MEI4: variants seen among roughly 807,000 people sequenced by gnomAD.
MEI4 encodes meiotic double-stranded break formation protein 4, also known as meiosis-specific protein MEI4.
A neutral mutation model predicts 31.4 loss-of-function variants in MEI4; 27 were observed. The ratio of observed to expected loss-of-function variants is 0.86; its 90% CI spans 0.63 to 1.19. The LOEUF is 1.19. Among genes scored for constraint, MEI4 ranks in the 50% most tolerant of loss-of-function variants. The probability of loss-of-function intolerance (pLI) is 0.00; values close to 1 mark genes in which losing one functional copy is unlikely to be tolerated. For missense variants in MEI4, 329 were observed against 398.9 expected (o/e 0.82, Z 1.49); for synonymous variants, 122 against 145.4 (o/e 0.84, Z 1.16).
intron 4 of MEI4, among the ~76,000 whole-genome samples, chr6:77,841,810 T>C (rs1770373022): frequency 6.6e-6 from 1 of 152,110 alleles, no homozygotes; most frequent in Non-Finnish European, 1.5e-5. Flanking sequence ...TTAGCAAAAA[T>C]ATATTTCTAA....
chr6:77,862,395 C>T (rs141083119), intron 4 of MEI4, among the ~76,000 whole-genome samples: 1,669 of 152,338 alleles, frequency 0.011, 29 homozygotes, highest in African/African-American at 0.037. Context: ...GCTTTTCCAA[C>T]GGTCTTAGCA....
At chr6:77,827,544 T>A (rs1769985232) in intron 3 of MEI4, among the ~76,000 whole-genome samples, 1 of 152,064 alleles carries the variant, frequency 6.6e-6, no homozygotes, top group Admixed American at 6.6e-5. Context: ...TACTTTTGAT[T>A]GGCAGAACTC....
At chr6:77,770,494 CAAAA>C (rs551799668) in intron 3 of MEI4, among the ~76,000 whole-genome samples, 1 of 148,140 alleles carries the variant, frequency 6.8e-6, no homozygotes, top group South Asian at 2.1e-4. Context: ...TTATTCTTCA[CAAAA>C]AAAAAATTAA....
intron 4 of MEI4, among the ~76,000 whole-genome samples, chr6:77,871,676 A>G (rs1041135910): frequency 5.1e-4 from 78 of 152,300 alleles, no homozygotes; most frequent in African/African-American, 1.8e-3. Context: ...AAACCTACAC[A>G]TGTACCACTG....
chr6:77,882,388 A>G (rs1386654038), intron 4 of MEI4, among the ~76,000 whole-genome samples: 3 of 152,164 alleles, frequency 2.0e-5, no homozygotes, highest in Admixed American at 6.5e-5. Context: ...CAGAATAATC[A>G]TCTGTTTTTG....
chr6:77,804,391 C>G (rs1464434942), intron 3 of MEI4, among the ~76,000 whole-genome samples: 1 of 152,214 alleles, frequency 6.6e-6, no homozygotes, highest in Non-Finnish European at 1.5e-5. Flanking sequence ...TCCCTGACCC[C>G]TTGCACTTCT....
At chr6:77,850,053 A>G (rs903777759) in intron 4 of MEI4, among the ~76,000 whole-genome samples, 2 of 152,166 alleles carry the variant, frequency 1.3e-5, no homozygotes, top group African/African-American at 2.4e-5. Flanking sequence ...ACTATATTGT[A>G]TATTCTATTT....
chr6:77,663,281 A>G (rs866169943), intron 1 of MEI4, among the ~76,000 whole-genome samples: 4 of 152,244 alleles, frequency 2.6e-5, no homozygotes, highest in African/African-American at 9.6e-5. Context: ...TTTTTAAAGC[A>G]TGCTGTGGGA....
At chr6:77,680,320 G>C (rs1365860601) in intron 1 of MEI4, among the ~76,000 whole-genome samples, 1 of 151,662 alleles carries the variant, frequency 6.6e-6, no homozygotes, top group Non-Finnish European at 1.5e-5. Context: ...CTAGTATTTA[G>C]CTTGTTTGGG....
chr6:77,862,844 C>G (rs187188418), intron 4 of MEI4, among the ~76,000 whole-genome samples: 2 of 152,132 alleles, frequency 1.3e-5, no homozygotes, highest in African/African-American at 4.8e-5. Context: ...CAGACTGACA[C>G]GTCACATGGC....
At position 77,899,977 on chromosome 6, in the gene MEI4, A is replaced by G. The variant is rs140299419; in HGVS notation, c.901-23112A>G. ...CTTCATGAAATTGGGCTGATCAAGA[A>G]TTTTTAAATAAGACCTCAAAATACA... is the stretch of plus-strand genomic sequence containing the variant. On this transcript the variant is annotated intron_variant, in intron 4 of 4. Coordinates refer to ENST00000684080, the MANE Select transcript of MEI4 (RefSeq NM_001322247.2). 8.7e-4 allele frequency among the ~76,000 whole-genome samples: 133 copies of G among 152,094 alleles called. 1 individual carries two copies. In the East Asian group the frequency reaches 0.025, roughly 29 times the overall value.
chr6:77,725,973 G>A (rs1402858258), intron 2 of MEI4, among the ~76,000 whole-genome samples: 4 of 108,450 alleles, frequency 3.7e-5, no homozygotes, highest in Non-Finnish European at 7.3e-5. Context: ...TCAGGCTGGG[G>A]GACGGTCAGG....
In MEI4 at chr6:77,766,941, C is replaced by A. The variant is rs573967999; in HGVS notation, c.768+5276C>A. Reference sequence around the variant, plus strand: ...TTTTCTTCCTGTGCTAACTTTCCAACAACCTTATCCTCTGTGTTTGAGATT... The same window carrying A: ...TTTTCTTCCTGTGCTAACTTTCCAAAAACCTTATCCTCTGTGTTTGAGATT... On this transcript the variant is annotated intron_variant, in intron 3 of 4. Coordinates refer to ENST00000684080, the MANE Select transcript of MEI4 (RefSeq NM_001322247.2). Among the ~76,000 whole-genome samples, 4 of 152,312 alleles carry A rather than the reference C, an allele frequency of 2.6e-5. No individual in the cohort carries two copies. The South Asian group carries it at 8.3e-4, about 32-fold the overall frequency.
intron 3 of MEI4, among the ~76,000 whole-genome samples, chr6:77,814,336 G>A (rs1387289328): frequency 6.6e-6 from 1 of 152,080 alleles, no homozygotes; most frequent in Admixed American, 6.6e-5. Flanking sequence ...ATAAAACAGG[G>A]CTCAAGGTTC....
intron 2 of MEI4, among the ~76,000 whole-genome samples, chr6:77,736,243 C>T (rs1207542616): frequency 6.6e-6 from 1 of 152,008 alleles, no homozygotes; most frequent in Non-Finnish European, 1.5e-5. Context: ...CCTTGCTGCC[C>T]CCTTGCAGTT....
chr6:77,744,683 T>A (rs1265392342), intron 2 of MEI4, among the ~76,000 whole-genome samples: 1 of 152,016 alleles, frequency 6.6e-6, no homozygotes, highest in Non-Finnish European at 1.5e-5. Context: ...TCACCAAAGT[T>A]GAAATGAAGG....
intron 4 of MEI4, among the ~76,000 whole-genome samples, chr6:77,914,265 T>A (rs753663061): frequency 6.6e-6 from 1 of 152,022 alleles, no homozygotes; most frequent in East Asian, 1.9e-4. Flanking sequence ...CTGCTTTTGC[T>A]ATATCCCATG....
chr6:77,802,349 T>G (rs948269796), intron 3 of MEI4, among the ~76,000 whole-genome samples: 1 of 152,210 alleles, frequency 6.6e-6, no homozygotes, highest in African/African-American at 2.4e-5. Flanking sequence ...CCCTTTATTT[T>G]GAGCCTATGT....
At chr6:77,835,909 GAGA>G (rs1218614422) in intron 4 of MEI4, among the ~76,000 whole-genome samples, 3 of 152,086 alleles carry the variant, frequency 2.0e-5, no homozygotes, top group South Asian at 2.1e-4. Context: ...TGAAGTATCT[GAGA>G]AGGAGAGCTA....
Sources: allele counts gnomAD v4.1 joint callset (sites outside exome capture counted in the v4.1 genomes callset), GRCh38; gene constraint gnomAD v4.1.1; transcripts MANE v1.5; gene names NCBI Gene and HGNC (gene_info 2026-07-23, HGNC 2026-07-21).